Variants in COL18A1 observed in about 807,000 individuals in gnomAD.
COL18A1 encodes collagen alpha-1(XVIII) chain.
Under a neutral mutation model 168.0 loss-of-function variants are expected in COL18A1, and 133 were observed. The ratio of observed to expected loss-of-function variants is 0.79; its 90% CI spans 0.69 to 0.91. The LOEUF (loss-of-function observed/expected upper bound fraction) is 0.91, where lower values mean the gene tolerates loss of function less well. Ranked by LOEUF, COL18A1 falls within the 40% of genes least tolerant of loss-of-function variation. The probability of loss-of-function intolerance (pLI) is 0.00; values close to 1 mark genes in which losing one functional copy is unlikely to be tolerated. For synonymous variants in COL18A1, 949 were observed against 809.0 expected (o/e 1.17, Z -2.94); for missense variants, 2,126 against 1,925.4 (o/e 1.10, Z -1.95).
At chr21:45,497,866 C>T in intron 32 of COL18A1, 2 of 664,832 alleles carry the variant, frequency 3.0e-6, no homozygotes, top group Non-Finnish European at 2.6e-6. Flanking sequence ...CTGCAGGGCA[C>T]AAGCCCAGCA....
At chr21:45,499,361 G>T (rs1209939511) in intron 32 of COL18A1, among the ~76,000 whole-genome samples, 2 of 152,230 alleles carry the variant, frequency 1.3e-5, no homozygotes, top group African/African-American at 4.8e-5. Context: ...CGACAGGGAG[G>T]TCAGAGGCTC....
intron 2 of COL18A1, chr21:45,455,488 C>T: frequency 1.2e-6 from 2 of 1,607,596 alleles, no homozygotes; most frequent in Middle Eastern, 2.1e-4. Context: ...CCTCCAGGCA[C>T]AGAGGCCCTC....
intron 38 of COL18A1, among the ~76,000 whole-genome samples, chr21:45,509,011 T>C (rs563552363): frequency 1.3e-5 from 2 of 151,964 alleles, no homozygotes; most frequent in South Asian, 2.1e-4. Context: ...CCTGGGAGAT[T>C]AGAAGGTCGA....
intron 2 of COL18A1, among the ~76,000 whole-genome samples, chr21:45,458,532 T>C (rs2034926726): frequency 6.6e-6 from 1 of 152,094 alleles, no homozygotes; most frequent in Admixed American, 6.5e-5. Context: ...AACACCCAAA[T>C]GCCCAGCAAG....
intron 4 of COL18A1, 79 bp from the exon 5 acceptor site, chr21:45,475,397 C>G: frequency 7.5e-7 from 1 of 1,330,772 alleles, no homozygotes. Flanking sequence ...GAGCAGCGTC[C>G]TTTGCTTCCC....
intron 2 of COL18A1, among the ~76,000 whole-genome samples, chr21:45,411,208 C>T (rs980493079): frequency 7.9e-5 from 12 of 152,124 alleles, no homozygotes; most frequent in South Asian, 2.1e-4. Context: ...GGCAGGACAT[C>T]GTCTGCAGTG....
At chr21:45,411,314 CA>C (rs2033282331) in intron 2 of COL18A1, among the ~76,000 whole-genome samples, 1 of 152,142 alleles carries the variant, frequency 6.6e-6, no homozygotes, top group East Asian at 1.9e-4. Flanking sequence ...TGGGGGCTGG[CA>C]TTAGTGGAGA....
At chr21:45,460,005 T>C (rs1469586794) in intron 2 of COL18A1, among the ~76,000 whole-genome samples, 1 of 151,506 alleles carries the variant, frequency 6.6e-6, no homozygotes, top group African/African-American at 2.4e-5. Flanking sequence ...TTCCAAGGAG[T>C]CCTACAGGCA....
In COL18A1 at chr21:45,405,588, C is replaced by G. The variant is rs546242066; in HGVS notation, c.106+115C>G. 1.9e-3 allele frequency: 1,079 copies of G among 566,946 alleles called. 7 individuals are homozygous for G. The highest frequency in any genetic ancestry group is 0.018 in the African/African-American group (924 of 50,208). 35.1% of individuals were successfully genotyped at this position (566,946 alleles called of 1,614,324 possible). A position where few individuals can be genotyped will look rare whatever the true frequency, so the allele number is the denominator to read the frequency against. Reference sequence around the variant, plus strand: ...GCCCCGGCCGCTCTGGGTTCAGCCCCGGCCCTGCCCACGCGCGCAGGAGGC... The same window carrying G: ...GCCCCGGCCGCTCTGGGTTCAGCCCGGGCCCTGCCCACGCGCGCAGGAGGC... On this transcript the variant is annotated intron_variant, in intron 2 of 41. Transcript: ENST00000651438.
At chr21:45,452,687 A>G (rs2034653903) in intron 2 of COL18A1, among the ~76,000 whole-genome samples, 1 of 146,478 alleles carries the variant, frequency 6.8e-6, no homozygotes, top group Admixed American at 6.7e-5. Flanking sequence ...ATGTGTGAGC[A>G]TGTATGTGAG....
intron 2 of COL18A1, among the ~76,000 whole-genome samples, chr21:45,437,860 T>A (rs111174494): frequency 1.7e-4 from 5 of 28,848 alleles, no homozygotes; most frequent in East Asian, 9.9e-4. Flanking sequence ...ACACTCACAC[T>A]CACACTCAGA....
At position 45,452,898 on chromosome 21, in the gene COL18A1, A is replaced by G. The variant is rs1024278763; in HGVS notation, c.107-15344A>G. On this transcript the variant is annotated intron_variant, in intron 2 of 41. Coordinates refer to ENST00000651438, the MANE Select transcript of COL18A1 (RefSeq NM_001379500.1). ...TGTGAGTATTCACATGTGACATGTGAGCATGTATGTACATGTGTGTGAGTA... is the reference window on the plus strand; with the variant it reads ...TGTGAGTATTCACATGTGACATGTGGGCATGTATGTACATGTGTGTGAGTA... 7.9e-5 allele frequency among the ~76,000 whole-genome samples: 12 copies of G among 151,608 alleles called. No individual in the cohort carries two copies. The East Asian group carries it at 1.4e-3, about 17-fold the overall frequency.
chr21:45,477,252 G>A (rs2035708778), intron 6 of COL18A1, among the ~76,000 whole-genome samples, 159 bp from the exon 7 acceptor site: 1 of 152,168 alleles, frequency 6.6e-6, no homozygotes, highest in African/African-American at 2.4e-5. Context: ...CTGGGAGCTG[G>A]AGCTCAGGGG....
chr21:45,488,475 G>A (rs754243879), intron 18 of COL18A1, 31 bp downstream of exon 18: 17 of 1,613,716 alleles, frequency 1.1e-5, no homozygotes, highest in Non-Finnish European at 1.4e-5. Context: ...GGTTTCTGTG[G>A]TTGCTGGCTT....
intron 15 of COL18A1, among the ~76,000 whole-genome samples, chr21:45,484,036 C>T (rs571181131): frequency 1.4e-5 from 2 of 144,300 alleles, no homozygotes; most frequent in South Asian, 4.5e-4. Flanking sequence ...TGCACACACA[C>T]ACCTCTCCAG....
At chr21:45,481,912 G>A (rs774028804) in intron 13 of COL18A1, 51 bp from the exon 14 acceptor site, 18 of 1,344,392 alleles carry the variant, frequency 1.3e-5, no homozygotes, top group East Asian at 6.9e-5. Flanking sequence ...CCCAGAAATC[G>A]TTTTAGTGGC....
intron 2 of COL18A1, among the ~76,000 whole-genome samples, chr21:45,439,506 T>G (rs114555308): frequency 0.02 from 2,985 of 152,322 alleles, 96 homozygotes; most frequent in African/African-American, 0.067. Context: ...AGTGAACTTA[T>G]TGGTGAAAGT....
rs1432696137 is a variant in COL18A1 at position 45,493,504 on chromosome 21, G to A, written c.2281G>A (p.Glu761Lys). ...GERGSPGPKG[E>K]KGEPGSIFSP... ...GCTGGACCTCCTGCCATTCCAGGGT[G>A]AGAAGGGTGAACCGGGCAGCATCTT... The change falls in exon 26 of 42, where the codon GAG (glutamate) becomes AAG (lysine). Residue 761 changes from glutamate to lysine, a missense_variant. Glu to Lys is a moderately conservative substitution (Grantham distance 56). Coordinates refer to ENST00000651438, the MANE Select transcript of COL18A1 (RefSeq NM_001379500.1). The A allele has an allele frequency of 1.3e-6, 2 of 1,559,306 alleles. No homozygotes were observed. Among genetic ancestry groups the A allele is most frequent in the Admixed American group, 1.9e-5 (1 of 52,070 alleles).
Position 45,511,168 on chromosome 21 carries a change from A to G in COL18A1, c.3751A>G (p.Lys1251Glu), listed in dbSNP as rs759015377. Residue 1251 changes from lysine to glutamate, a missense_variant, in exon 41 of 42, where the codon AAG becomes GAG. Lys to Glu is a moderately conservative substitution (Grantham distance 56). Coordinates refer to ENST00000651438, the MANE Select transcript of COL18A1 (RefSeq NM_001379500.1). Reference sequence around the variant, plus strand: ...GTTCTCAGGCTCTGAGGGTCCGCTGAAGCCCGGGGCACGCATCTTCTCCTT... The same window carrying G: ...GTTCTCAGGCTCTGAGGGTCCGCTGGAGCCCGGGGCACGCATCTTCTCCTT... ...ALFSGSEGPL[K>E]PGARIFSFDG... 3 of 1,601,522 alleles carry G rather than the reference A, an allele frequency of 1.9e-6. No homozygotes were observed. The highest frequency in any genetic ancestry group is 2.6e-6 in the Non-Finnish European group (3 of 1,174,340).
Sources: allele counts gnomAD v4.1 joint callset (sites outside exome capture counted in the v4.1 genomes callset), GRCh38; gene constraint gnomAD v4.1.1; transcripts MANE v1.5; gene names NCBI Gene and HGNC (gene_info 2026-07-23, HGNC 2026-07-21).